KLHDC1: variants seen among roughly 807,000 people sequenced by gnomAD.
KLHDC1 encodes the protein kelch domain-containing protein 1.
In KLHDC1, 53 loss-of-function variants were observed where a neutral mutation model predicts 68.3. The ratio of observed to expected loss-of-function variants is 0.78; its 90% CI spans 0.62 to 0.98. KLHDC1 has a LOEUF of 0.98. Among genes scored for constraint, KLHDC1 ranks in the 50% least tolerant of loss-of-function variants. KLHDC1 has a pLI of 0.00. For missense variants in KLHDC1, 470 were observed against 492.3 expected (o/e 0.95, Z 0.43); for synonymous variants, 148 against 159.0 (o/e 0.93, Z 0.52).
Position 49,713,823 on chromosome 14 carries a change from TATATATATATA to T in KLHDC1, c.404+3443_404+3453del, listed in dbSNP as rs1888282635. ...GTATATATATATATATATATATATATATATATATATATATATATATATATATATTTTTTTTT... is the reference window on the plus strand; with the variant it reads ...GTATATATATATATATATATATATATTATATATATATATATATTTTTTTTT... On this transcript the variant is annotated intron_variant, in intron 4 of 12. Transcript: ENST00000359332. 1.3e-3 allele frequency among the ~76,000 whole-genome samples: 5 copies of T among 3,796 alleles called. 1 individual carries two copies. The highest frequency in any genetic ancestry group is 2.0e-3 in the African/African-American group (5 of 2,478). 2.5% of individuals were successfully genotyped at this position (3,796 alleles called of 152,430 possible).
chr14:49,749,663 G>A (rs1351983274), intron 12 of KLHDC1, among the ~76,000 whole-genome samples: 3 of 142,472 alleles, frequency 2.1e-5, no homozygotes, highest in Non-Finnish European at 4.5e-5. Context: ...GCGCAACAGA[G>A]TGAGACTCCG....
intron 4 of KLHDC1, 141 bp downstream of exon 4, chr14:49,710,522 C>T (rs977847900): frequency 3.3e-5 from 18 of 538,762 alleles, no homozygotes; most frequent in South Asian, 2.3e-4. Context: ...TGACAATGCC[C>T]GTTTTATTTC....
In KLHDC1 at chr14:49,709,736, C is replaced by G. The variant is rs1185652699; in HGVS notation, c.195C>G (p.Leu65=). Residue 65 remains leucine, a synonymous_variant, in exon 3 of 13, where the codon CTC becomes CTG. Transcript: ENST00000359332. Reference sequence around the variant, plus strand: ...GAATGCACCTCATGGAAGGAGAACTCCCAGCCTCCATGTCAGGAAGCTGTG... The same window carrying G: ...GAATGCACCTCATGGAAGGAGAACTGCCAGCCTCCATGTCAGGAAGCTGTG... ...LWRMHLMEGE[L]PASMSGSCGA... is the part of the protein sequence containing the mutation. 1 of 1,600,388 alleles carries G rather than the reference C, an allele frequency of 6.2e-7. No individual in the cohort carries two copies. Among genetic ancestry groups the G allele is most frequent in the Non-Finnish European group, 8.5e-7 (1 of 1,174,404 alleles).
chr14:49,741,566 C>T (rs1042924500), intron 11 of KLHDC1, among the ~76,000 whole-genome samples: 3 of 152,076 alleles, frequency 2.0e-5, no homozygotes, highest in Non-Finnish European at 2.9e-5. Context: ...CTCAGCCTCC[C>T]GAAGTGCAGG....
At position 49,745,093 on chromosome 14, in the gene KLHDC1, G is replaced by T. The variant is rs114129365; in HGVS notation, c.1034+1288G>T. 5.2e-3 allele frequency among the ~76,000 whole-genome samples: 789 copies of T among 152,206 alleles called. 7 individuals carry two copies. Among genetic ancestry groups the T allele is most frequent in the African/African-American group, 0.018 (753 of 41,528 alleles). On this transcript the variant is annotated intron_variant, in intron 12 of 12. Coordinates refer to ENST00000359332, the MANE Select transcript of KLHDC1 (RefSeq NM_172193.3). Reference sequence around the variant, plus strand: ...CAAGTGTGGGAATTTTATGCAGAGGGAATAACATAAGTGAAGACATATGAG... The same window carrying T: ...CAAGTGTGGGAATTTTATGCAGAGGTAATAACATAAGTGAAGACATATGAG...
intron 12 of KLHDC1, among the ~76,000 whole-genome samples, chr14:49,747,879 G>T (rs1442388986): frequency 6.6e-6 from 1 of 152,200 alleles, no homozygotes; most frequent in Non-Finnish European, 1.5e-5. Flanking sequence ...ATGACTGGCT[G>T]AATTTATCCA....
In KLHDC1 at chr14:49,710,339, C is replaced by CTGA. The variant is rs758669330; in HGVS notation, c.363_364insGAT (p.Pro121_Thr122insAsp). 2 of 1,610,976 alleles carry CTGA rather than the reference C, an allele frequency of 1.2e-6. No homozygotes were observed. Among genetic ancestry groups the CTGA allele is most frequent in the Non-Finnish European group, 1.7e-6 (2 of 1,177,506 alleles). ...ATCACCGACTTTGAAGGGCAACCACCTACACCACGTGATAAACTTTCCTGC... is the reference window on the plus strand; with the variant it reads ...ATCACCGACTTTGAAGGGCAACCACCTGATACACCACGTGATAAACTTTCCTGC... On this transcript the variant is annotated inframe_insertion, in exon 4 of 13. Coordinates refer to ENST00000359332, the MANE Select transcript of KLHDC1 (RefSeq NM_172193.3).
chr14:49,714,704 G>T (rs1284772319), intron 4 of KLHDC1, among the ~76,000 whole-genome samples: 5 of 151,744 alleles, frequency 3.3e-5, no homozygotes, highest in Non-Finnish European at 7.4e-5. Flanking sequence ...GATATGTATA[G>T]TATAGTATTT....
chr14:49,727,104 T>A (rs1460219177), intron 6 of KLHDC1, among the ~76,000 whole-genome samples: 1 of 152,010 alleles, frequency 6.6e-6, no homozygotes, highest in Non-Finnish European at 1.5e-5. Context: ...GGAAATTAGC[T>A]GGGCGTGGCG....
At chr14:49,733,508 A>G (rs1429786964) in intron 9 of KLHDC1, among the ~76,000 whole-genome samples, 2 of 150,258 alleles carry the variant, frequency 1.3e-5, no homozygotes, top group African/African-American at 4.9e-5. Context: ...GCTCACTGCA[A>G]CCTCCACCTC....
At chr14:49,736,981 C>T (rs530832749) in intron 10 of KLHDC1, among the ~76,000 whole-genome samples, 1 of 152,264 alleles carries the variant, frequency 6.6e-6, no homozygotes, top group East Asian at 1.9e-4. Context: ...GATCTGATAG[C>T]CTATATAGTT....
chr14:49,696,773 T>A (rs1166528182), intron 1 of KLHDC1, among the ~76,000 whole-genome samples: 1 of 152,206 alleles, frequency 6.6e-6, no homozygotes. Context: ...GATTTACAAC[T>A]TGGCTAACTG....
intron 4 of KLHDC1, among the ~76,000 whole-genome samples, chr14:49,718,761 C>CT (rs1888444277): frequency 1.8e-5 from 1 of 56,322 alleles, no homozygotes; most frequent in East Asian, 1.0e-3. Flanking sequence ...TTTTTCTTTT[C>CT]TTTCTTTCTT....
At position 49,752,833 on chromosome 14, in the gene KLHDC1, A is replaced by G. The variant is rs1007870280; in HGVS notation, c.*1061A>G. The G allele has an allele frequency of 6.6e-6, 1 of 152,088 alleles. No individual in the cohort carries two copies. The highest frequency in any genetic ancestry group is 1.5e-5 in the Non-Finnish European group (1 of 67,976). The allele number at this position is 152,088 out of a possible 1,614,324, so 9.4% of individuals were successfully genotyped here. On this transcript the variant is annotated 3_prime_UTR_variant, in exon 13 of 13. Transcript: ENST00000359332. ...GCCCTTCCATTGAATTATTAATTAC[A>G]ATTAATTACTAAAAAGCTTGGTATG...
intron 8 of KLHDC1, among the ~76,000 whole-genome samples, chr14:49,731,355 T>C (rs1303246863): frequency 3.3e-5 from 5 of 152,222 alleles, no homozygotes; most frequent in African/African-American, 1.2e-4. Context: ...AAATTGTATC[T>C]TCCAAAAATG....
rs182352986 is a variant in KLHDC1 at position 49,718,922 on chromosome 14, G to T, written c.405-4952G>T. 2.0e-3 allele frequency among the ~76,000 whole-genome samples: 298 copies of T among 149,724 alleles called. 2 individuals carry two copies. The highest frequency in any genetic ancestry group is 6.5e-3 in the African/African-American group (266 of 40,898). On this transcript the variant is annotated intron_variant, in intron 4 of 12. Transcript: ENST00000359332. ...CTCCCAAGTATCTGGGATTACAGCC[G>T]CCTGCCACTACACCCACCTAATTTT...
intron 4 of KLHDC1, among the ~76,000 whole-genome samples, chr14:49,715,757 A>ATATATATATAT (rs1206512681): frequency 3.0e-4 from 37 of 123,548 alleles, no homozygotes; most frequent in East Asian, 1.8e-3. Context: ...AAAAAAAAAA[A>ATATATATATAT]AAAAAAAAAT....
At chr14:49,722,078 G>A (rs890206012) in intron 4 of KLHDC1, among the ~76,000 whole-genome samples, 1 of 152,160 alleles carries the variant, frequency 6.6e-6, no homozygotes. Flanking sequence ...AAGATTATGC[G>A]AAAGAGTTAA....
At chr14:49,709,585 C>T in intron 2 of KLHDC1, 124 bp from the exon 3 acceptor site, 2 of 513,100 alleles carry the variant, frequency 3.9e-6, no homozygotes, top group Admixed American at 3.8e-5. Context: ...TTATTGGCCA[C>T]CATTACATTG....
Sources: allele counts gnomAD v4.1 joint callset (sites outside exome capture counted in the v4.1 genomes callset), GRCh38; gene constraint gnomAD v4.1.1; transcripts MANE v1.5; gene names NCBI Gene and HGNC (gene_info 2026-07-23, HGNC 2026-07-21).